SAMD8: variants seen among roughly 807,000 people sequenced by gnomAD.
SAMD8 encodes sterile alpha motif domain containing 8, also known as sphingomyelin synthase-related protein 1.
SAMD8 carries 20 observed loss-of-function variants against 42.0 expected under a neutral mutation model. That is an observed-to-expected ratio of 0.48 (90% CI 0.34 to 0.69). The LOEUF (loss-of-function observed/expected upper bound fraction) is 0.69, where lower values mean the gene tolerates loss of function less well. Among genes scored for constraint, SAMD8 ranks in the 30% least tolerant of loss-of-function variants. The pLI is 0.01. For synonymous variants in SAMD8, 162 were observed against 173.0 expected (o/e 0.94, Z 0.50); for missense variants, 328 against 511.6 (o/e 0.64, Z 3.46).
chr10:75,115,027 G>GGAGGACTATACTATTTCATTCCCAGATTA (rs1848844381), intron 1 of SAMD8, among the ~76,000 whole-genome samples: 2 of 152,258 alleles, frequency 1.3e-5, no homozygotes, highest in East Asian at 3.9e-4. Flanking sequence ...AGGTTATAGA[G>GGAGGACTATACTATTTCATTCCCAGATTA]GAGGACTATA....
rs777594447 is a variant in SAMD8 at position 75,176,425 on chromosome 10, C to T, written c.981C>T (p.Ser327=). 24 of 1,550,026 alleles carry T rather than the reference C, an allele frequency of 1.5e-5. No individual in the cohort carries two copies. The highest frequency in any genetic ancestry group is 8.4e-5 in the South Asian group (7 of 83,828). Residue 327 remains serine (S), a synonymous_variant, in exon 6 of 6, where the codon TCC becomes TCT. Coordinates refer to ENST00000542569, the MANE Select transcript of SAMD8 (RefSeq NM_001174156.2). This position sits in a 1 kb window ranked among gnomAD's most constrained non-coding sequence, Gnocchi z 4.3. ...GCTGGAATTTCTTGCACACTTTATC[C>T]TGGGTTCTCAACCTCTTTGGAATCT... ...PRSWNFLHTL[S]WVLNLFGIFF...
At chr10:75,144,002 C>G (rs530884005) in intron 1 of SAMD8, among the ~76,000 whole-genome samples, 2 of 145,174 alleles carry the variant, frequency 1.4e-5, no homozygotes, top group Admixed American at 1.4e-4. Context: ...GAGTCTTGCT[C>G]TGTCACCCAG....
At chr10:75,169,801 C>T (rs11001313) in intron 4 of SAMD8, among the ~76,000 whole-genome samples, 1,554 of 152,058 alleles carry the variant, frequency 0.01, 12 homozygotes, top group Non-Finnish European at 0.018. Flanking sequence ...CCCAGGTACT[C>T]GGAAGGCTGA....
At position 75,150,717 on chromosome 10, in the gene SAMD8, G is replaced by A. The variant is rs775103831; in HGVS notation, c.189G>A (p.Gly63=). Residue 63 remains glycine (G), a synonymous_variant, in exon 2 of 6, where the codon GGG becomes GGA. Coordinates refer to ENST00000542569, the MANE Select transcript of SAMD8 (RefSeq NM_001174156.2). ...CTCCTCTGGAAATCAAAGTCTTAGG[G>A]GACATTAAAAGGTTAATGCTCTCAG... ...RSPPLEIKVL[G]DIKRLMLSVR... is the part of the protein sequence containing the mutation. 6.2e-7 allele frequency: 1 copy of A among 1,614,070 alleles called. No individual in the cohort carries two copies. Among genetic ancestry groups the A allele is most frequent in the Non-Finnish European group, 8.5e-7 (1 of 1,180,000 alleles).
intron 2 of SAMD8, 118 bp downstream of exon 2, chr10:75,151,224 C>A: frequency 2.0e-6 from 1 of 506,790 alleles, no homozygotes; most frequent in Non-Finnish European, 3.2e-6. Flanking sequence ...TTTCCATTTG[C>A]TTTATCTGGC....
chr10:75,156,477 A>G (rs1446962845), intron 2 of SAMD8, among the ~76,000 whole-genome samples: 2 of 152,138 alleles, frequency 1.3e-5, no homozygotes, highest in Admixed American at 6.6e-5. Context: ...CATCTCACCT[A>G]TTACTTAATT....
At chr10:75,152,357 C>T (rs1840309296) in intron 2 of SAMD8, among the ~76,000 whole-genome samples, 2 of 148,098 alleles carry the variant, frequency 1.4e-5, no homozygotes, top group African/African-American at 5.0e-5. Flanking sequence ...CCCGTCTCTA[C>T]TAAAAATACA....
chr10:75,110,300 G>C (rs1274353361), upstream of SAMD8, among the ~76,000 whole-genome samples: 2 of 152,200 alleles, frequency 1.3e-5, no homozygotes, highest in East Asian at 1.9e-4. Context: ...GCCTATAAGG[G>C]CTTTGGGTCC....
chr10:75,145,828 T>C (rs1333863544), intron 1 of SAMD8, among the ~76,000 whole-genome samples: 1 of 152,214 alleles, frequency 6.6e-6, no homozygotes, highest in Non-Finnish European at 1.5e-5. Context: ...GCCTTACTAC[T>C]ATGGCAAGAT....
At chr10:75,109,519 G>A (rs1455231636), upstream of SAMD8, among the ~76,000 whole-genome samples, 1 of 152,218 alleles carries the variant, frequency 6.6e-6, no homozygotes, top group Non-Finnish European at 1.5e-5. Flanking sequence ...ATTAGTAGAT[G>A]TAGAGCCCTG....
intron 4 of SAMD8, among the ~76,000 whole-genome samples, chr10:75,170,026 T>C (rs1390343240): frequency 1.3e-5 from 2 of 152,268 alleles, no homozygotes; most frequent in Non-Finnish European, 2.9e-5. Flanking sequence ...GTTTTCATTT[T>C]ATATTTTGTG....
At chr10:75,133,103 C>A (rs895911176) in intron 1 of SAMD8, among the ~76,000 whole-genome samples, 6 of 151,782 alleles carry the variant, frequency 4.0e-5, no homozygotes, top group African/African-American at 1.5e-4. Context: ...GAAGGTTCCT[C>A]AAAAATTAAA....
At position 75,168,622 on chromosome 10, in the gene SAMD8, C is replaced by T. The variant is rs545836623; in HGVS notation, c.756C>T (p.Leu252=). The T allele has an allele frequency of 4.3e-6, 7 of 1,613,814 alleles. No individual in the cohort carries two copies. The highest frequency in any genetic ancestry group is 1.3e-5 in the African/African-American group (1 of 75,052). Residue 252 remains leucine (L), a synonymous_variant, in exon 4 of 6, where the codon CTC becomes CTT. Transcript: ENST00000542569. ...LRCFTMFVTS[L]SVPGQHLQCT... The stretch of plus-strand genomic sequence containing the variant: ...GCTTTACCATGTTTGTGACCTCCCT[C>T]TCCGTGCCAGGACAACACCTGCAGT...
chr10:75,153,641 A>G (rs1840345469), intron 2 of SAMD8, among the ~76,000 whole-genome samples: 1 of 151,908 alleles, frequency 6.6e-6, no homozygotes, highest in African/African-American at 2.4e-5. Context: ...GTAAAATAAA[A>G]CTGCCGTGTA....
chr10:75,105,604 G>A, intron 1 of SAMD8: 1 of 1,457,724 alleles, frequency 6.9e-7, no homozygotes, highest in Admixed American at 2.0e-5. Context: ...TGCAGCCTAG[G>A]CCCTCACCTG....
chr10:75,181,337 A>T lies in SAMD8; in HGVS notation c.*4645A>T, dbSNP rs1395143937. 6.6e-6 allele frequency: 1 copy of T among 152,208 alleles called. No homozygotes were observed. Among genetic ancestry groups the T allele is most frequent in the Non-Finnish European group, 1.5e-5 (1 of 68,028 alleles). 9.4% of individuals were successfully genotyped at this position (152,208 alleles called of 1,614,324 possible). On this transcript the variant is annotated 3_prime_UTR_variant, in exon 6 of 6. Coordinates refer to ENST00000542569, the MANE Select transcript of SAMD8 (RefSeq NM_001174156.2). The stretch of plus-strand genomic sequence containing the variant: ...AGGTGACTAATAAGAATGGAAAGAG[A>T]CTGAGTAGGTTTTTTGTTTCTTTTC...
rs183281130 is a variant in SAMD8, at chr10:75,138,574, T to C, written c.-15-11940T>C. ...AGGAGTACCAAATGTAAGGTTGTTA[T>C]GTTTATGATAAGCTTTTTTCATTTC... On this transcript the variant is annotated intron_variant, in intron 1 of 5. Coordinates refer to ENST00000542569, the MANE Select transcript of SAMD8 (RefSeq NM_001174156.2). Among the ~76,000 whole-genome samples, 10 of 152,344 alleles carry C rather than the reference T, an allele frequency of 6.6e-5. No individual in the cohort carries two copies. The East Asian group carries it at 7.7e-4, about 12-fold the overall frequency.
At chr10:75,143,075 G>A (rs1192123697) in intron 1 of SAMD8, among the ~76,000 whole-genome samples, 6 of 152,314 alleles carry the variant, frequency 3.9e-5, no homozygotes, top group Admixed American at 1.3e-4. Context: ...TTGGGAGGCC[G>A]AGGCGGGTGG....
chr10:75,128,944 C>T (rs577925259), intron 1 of SAMD8, among the ~76,000 whole-genome samples: 1 of 151,630 alleles, frequency 6.6e-6, no homozygotes, highest in East Asian at 1.9e-4. Context: ...TGTATTACTT[C>T]TTCTGCAAAA....
Sources: gnomAD v4.1 joint callset for allele counts (sites outside exome capture counted in the v4.1 genomes callset) on GRCh38, gnomAD v4.1.1 for gene constraint, Gnocchi (gnomAD v3.1) non-coding constraint, MANE v1.5 for transcripts, NCBI Gene and HGNC (gene_info 2026-07-23, HGNC 2026-07-21) for gene names.